The following MORN1 variants were observed in gnomAD, a reference collection of about 807,000 sequenced individuals.
The protein encoded by MORN1 is MORN repeat containing 1.
MORN1 carries 67 observed loss-of-function variants against 61.9 expected under a neutral mutation model. The observed-to-expected ratio is 1.08, with a 90% CI of 0.89 to 1.33. The LOEUF is 1.33. MORN1 is among the 40% of genes most tolerant of loss of function. The pLI is 0.00. For missense variants in MORN1, 752 were observed against 691.2 expected, an observed-to-expected ratio of 1.09 and a Z score of -0.99; for synonymous variants, 301 against 292.0, an observed-to-expected ratio of 1.03 and a Z score of -0.31.
chr1:2,372,917 C>T lies in MORN1; in HGVS notation c.635-326G>A, dbSNP rs553014187. Among the ~76,000 whole-genome samples, 26 of 152,344 alleles carry T rather than the reference C, an allele frequency of 1.7e-4. No homozygotes were observed. The South Asian group carries it at 2.9e-3, about 17-fold the overall frequency. ...GGTTTTCCTGCCCGTGGAATGTTCC[C>T]GCACGTCTTCCCGCTGGTCGGGATT... On this transcript the variant is annotated intron_variant, in intron 7 of 13. Coordinates refer to ENST00000378531, the MANE Select transcript of MORN1 (RefSeq NM_024848.3). This position sits in a 1 kb window ranked among gnomAD's most constrained non-coding sequence, Gnocchi z 5.4.
chr1:2,348,600 C>CT (rs1396068442), intron 10 of MORN1, among the ~76,000 whole-genome samples: 37 of 152,194 alleles, frequency 2.4e-4, no homozygotes. Flanking sequence ...CGCATGCGCA[C>CT]ATACGTGCAC....
chr1:2,387,378 G>A (rs762830681), intron 4 of MORN1, 41 bp downstream of exon 4: 1 of 1,447,148 alleles, frequency 6.9e-7, no homozygotes, highest in Non-Finnish European at 9.7e-7. Flanking sequence ...TGTCCTGAAA[G>A]CGCCCACCCT....
At chr1:2,336,994 C>G (rs1641294697) in intron 10 of MORN1, 144 bp from the exon 11 acceptor site, 3 of 982,516 alleles carry the variant, frequency 3.1e-6, no homozygotes, top group Non-Finnish European at 4.1e-6. Flanking sequence ...GGGGGCAGGT[C>G]AGGGGGCAGG....
rs764222975 is a variant in MORN1, at chr1:2,384,960, C to CCG, written c.537+16_537+17dup. Reference sequence around the variant, plus strand: ...GCCTGTACCCTCTGGGCAGCAGGTGCCGCGCGCCCCCGGGTACCTTGTAGG... The same window carrying CCG: ...GCCTGTACCCTCTGGGCAGCAGGTGCCGCGCGCGCCCCCGGGTACCTTGTAGG... On this transcript the variant is annotated intron_variant, in intron 6 of 13. Transcript: ENST00000378531. 3 of 1,537,042 alleles carry CCG rather than the reference C, an allele frequency of 2.0e-6. No homozygotes were observed. In the South Asian group the frequency reaches 3.6e-5, roughly 19 times the overall value.
At chr1:2,368,476 T>C (rs1642042329) in intron 8 of MORN1, among the ~76,000 whole-genome samples, 1 of 152,240 alleles carries the variant, frequency 6.6e-6, no homozygotes, top group African/African-American at 2.4e-5. Flanking sequence ...AAAGGGGTGG[T>C]AACTCCCAGG....
chr1:2,388,511 T>G, intron 2 of MORN1, 174 bp from the exon 3 acceptor site: 2 of 578,384 alleles, frequency 3.5e-6, no homozygotes, highest in South Asian at 4.3e-5. Flanking sequence ...CTCAAAAATA[T>G]CTGCCGAAAC....
At chr1:2,344,319 A>C (rs1305039567) in intron 10 of MORN1, among the ~76,000 whole-genome samples, 1 of 152,238 alleles carries the variant, frequency 6.6e-6, no homozygotes, top group Non-Finnish European at 1.5e-5. Context: ...GAAGCCAGGC[A>C]GCTGCTCCCC....
chr1:2,385,811 A>G lies in MORN1; in HGVS notation c.445T>C (p.Phe149Leu). ...NKRHGPGQML[F>L]QNGDKYDGDW... is the part of the protein sequence containing the mutation. ...ACCCACAAGACTCATACTCACTGAA[A>G]GAGCATCTGCCCAGGGCCGTGCCTC... The change falls in exon 5 of 14, where the codon TTT (phenylalanine) becomes CTT (leucine). Residue 149 changes from phenylalanine to leucine, a missense_variant. Transcript: ENST00000378531. 6.2e-7 allele frequency: 1 copy of G among 1,613,758 alleles called. No homozygotes were observed. The highest frequency in any genetic ancestry group is 2.2e-5 in the East Asian group (1 of 44,880).
chr1:2,388,115 A>C, intron 3 of MORN1, 124 bp downstream of exon 3: 1 of 735,388 alleles, frequency 1.4e-6, no homozygotes, highest in East Asian at 2.6e-5. Context: ...TCGGTAGGCC[A>C]GGCCTCTCAC....
intron 10 of MORN1, among the ~76,000 whole-genome samples, chr1:2,341,685 G>A (rs1399542408): frequency 2.3e-5 from 3 of 133,274 alleles, no homozygotes; most frequent in East Asian, 2.2e-4. Context: ...GCGAGACTCC[G>A]TCTCAAGAAA....
intron 8 of MORN1, among the ~76,000 whole-genome samples, chr1:2,361,258 T>G (rs925989438): frequency 6.6e-6 from 1 of 152,050 alleles, no homozygotes; most frequent in Non-Finnish European, 1.5e-5. Context: ...ACACAGAAGA[T>G]ATAAACAAGA....
At chr1:2,359,206 A>G (rs953725692) in intron 8 of MORN1, among the ~76,000 whole-genome samples, 1 of 152,078 alleles carries the variant, frequency 6.6e-6, no homozygotes, top group African/African-American at 2.4e-5. Flanking sequence ...ACCCTGGCAG[A>G]TAGCAGGCTC....
chr1:2,356,089 C>T (rs1641761886), intron 10 of MORN1, among the ~76,000 whole-genome samples: 1 of 152,146 alleles, frequency 6.6e-6, no homozygotes, highest in Admixed American at 6.5e-5. Flanking sequence ...TGTGAGGACT[C>T]AGGGGCGGCA....
intron 10 of MORN1, among the ~76,000 whole-genome samples, chr1:2,354,097 C>T (rs998562380): frequency 3.9e-5 from 6 of 152,062 alleles, no homozygotes; most frequent in African/African-American, 1.4e-4. Context: ...CCATCCTGGC[C>T]AACACGGCGA....
intron 13 of MORN1, chr1:2,321,964 C>G: frequency 1.0e-6 from 1 of 964,260 alleles, no homozygotes; most frequent in Non-Finnish European, 1.2e-6. Flanking sequence ...AAATACTTTC[C>G]TACTTTTTTA....
At chr1:2,359,630 C>A (rs1461039209) in intron 8 of MORN1, among the ~76,000 whole-genome samples, 1 of 152,174 alleles carries the variant, frequency 6.6e-6, no homozygotes, top group Non-Finnish European at 1.5e-5. Flanking sequence ...CCCCTGTCAT[C>A]CCAGCACTTT....
intron 12 of MORN1, among the ~76,000 whole-genome samples, chr1:2,327,704 CGAG>C: frequency 6.6e-6 from 1 of 152,334 alleles, no homozygotes; most frequent in South Asian, 2.1e-4. Flanking sequence ...GGGAGGGCCA[CGAG>C]GAGGGGCAGG....
At position 2,376,827 on chromosome 1, in the gene MORN1, T is replaced by C. The variant is rs1642249228; in HGVS notation, c.538-2270A>G. On this transcript the variant is annotated intron_variant, in intron 6 of 13. Coordinates refer to ENST00000378531, the MANE Select transcript of MORN1 (RefSeq NM_024848.3). ...ATTCAACTGATCCAATAGCCCGGTCTTGTCTAATTCACGTTATCAATCACA... is the reference window on the plus strand; with the variant it reads ...ATTCAACTGATCCAATAGCCCGGTCCTGTCTAATTCACGTTATCAATCACA... 3.9e-5 allele frequency: 6 copies of C among 152,164 alleles called. No homozygotes were observed. In the South Asian group the frequency reaches 1.2e-3, roughly 31 times the overall value. The allele number at this position is 152,164 out of a possible 1,614,324, so 9.4% of individuals were successfully genotyped here.
intron 8 of MORN1, among the ~76,000 whole-genome samples, chr1:2,367,555 A>T (rs536662313): frequency 2.0e-5 from 3 of 152,312 alleles, no homozygotes; most frequent in African/African-American, 7.2e-5. Flanking sequence ...CATTCAAAGG[A>T]ATATACAGCA....
Sources: allele counts gnomAD v4.1 joint callset (sites outside exome capture counted in the v4.1 genomes callset), GRCh38; gene constraint gnomAD v4.1.1; non-coding constraint Gnocchi (gnomAD v3.1); transcripts MANE v1.5; gene names NCBI Gene and HGNC (gene_info 2026-07-23, HGNC 2026-07-21).